Variants in SNX29 observed in about 807,000 individuals in gnomAD.
SNX29 encodes sorting nexin 29, also known as sorting nexin-29.
In SNX29, 78 loss-of-function variants were observed where a neutral mutation model predicts 102.1. That is an observed-to-expected ratio of 0.76 (90% confidence interval 0.64 to 0.92). SNX29 has a LOEUF of 0.92. Among genes scored for constraint, SNX29 ranks in the 40% least tolerant of loss-of-function variants. The pLI, the probability that SNX29 is intolerant of heterozygous loss-of-function variation, is 0.00. For missense variants in SNX29, 1,280 were observed against 1,061.7 expected (o/e 1.21, Z -2.86); for synonymous variants, 580 against 414.5 (o/e 1.40, Z -4.85).
At chr16:12,332,693 C>T (rs561452321) in intron 15 of SNX29, among the ~76,000 whole-genome samples, 1 of 152,168 alleles carries the variant, frequency 6.6e-6, no homozygotes, top group African/African-American at 2.4e-5. Context: ...TGGCCGCCAC[C>T]AGGGTTGGGC....
chr16:12,371,339 C>G (rs979881257), intron 16 of SNX29, among the ~76,000 whole-genome samples: 10 of 152,008 alleles, frequency 6.6e-5, no homozygotes, highest in African/African-American at 2.4e-4. Flanking sequence ...TTCTCTGTCC[C>G]TCAGGCTGGA....
intron 20 of SNX29, chr16:12,546,778 A>C (rs776910556): frequency 2.7e-5 from 1 of 37,280 alleles, no homozygotes; most frequent in Non-Finnish European, 4.3e-5. Flanking sequence ...TCCATGCAAC[A>C]AAGGAAATTT....
chr16:12,513,394 C>T (rs1022680578), intron 19 of SNX29, among the ~76,000 whole-genome samples: 2 of 151,762 alleles, frequency 1.3e-5, no homozygotes, highest in African/African-American at 4.8e-5. Context: ...CTCTCCCTTC[C>T]CCTCCCCTCT....
At chr16:12,359,172 T>C (rs961641750) in intron 16 of SNX29, among the ~76,000 whole-genome samples, 1 of 152,186 alleles carries the variant, frequency 6.6e-6, no homozygotes, top group Non-Finnish European at 1.5e-5. Flanking sequence ...TCCAGGTAGA[T>C]GTGTCAGAAT....
chr16:12,003,127 C>T lies in SNX29; in HGVS notation c.122+84C>T, dbSNP rs574624594. The T allele has an allele frequency of 1.9e-5, 29 of 1,564,082 alleles. No individual in the cohort carries two copies. The East Asian group carries it at 5.4e-4, about 29-fold the overall frequency. ...GCCGGCTTCTAAAACCGTTGACCATCGAGGTTGGAAAGGCGGCAGAAGGCG... is the reference window on the plus strand; with the variant it reads ...GCCGGCTTCTAAAACCGTTGACCATTGAGGTTGGAAAGGCGGCAGAAGGCG... On this transcript the variant is annotated intron_variant, in intron 3 of 20. Transcript: ENST00000566228.
intron 14 of SNX29, among the ~76,000 whole-genome samples, chr16:12,227,607 G>A (rs1311106247): frequency 1.6e-4 from 24 of 152,036 alleles, no homozygotes; most frequent in Admixed American, 1.6e-3. Context: ...TATTCAAAAT[G>A]AGGTCTCTGA....
chr16:12,088,810 G>A (rs1454294468), intron 11 of SNX29, among the ~76,000 whole-genome samples: 2 of 152,144 alleles, frequency 1.3e-5, no homozygotes, highest in Non-Finnish European at 2.9e-5. Context: ...AATTGGCCAG[G>A]TGCAGTGGCC....
chr16:12,565,128 C>T (rs991553585), intron 20 of SNX29, among the ~76,000 whole-genome samples: 3 of 138,278 alleles, frequency 2.2e-5, no homozygotes, highest in African/African-American at 5.8e-5. Flanking sequence ...CTCTTATCCA[C>T]ATTAGCCCCC....
At chr16:12,556,437 G>A (rs188195611) in intron 20 of SNX29, 2 of 152,256 alleles carry the variant, frequency 1.3e-5, no homozygotes, top group Non-Finnish European at 2.9e-5. Flanking sequence ...ATGCTGTGAA[G>A]AAACTCCAAG....
chr16:12,361,278 T>C (rs2082292790), intron 16 of SNX29, among the ~76,000 whole-genome samples: 1 of 152,118 alleles, frequency 6.6e-6, no homozygotes, highest in Non-Finnish European at 1.5e-5. Context: ...AGGGGCTCAG[T>C]GGGCAGTCAG....
chr16:12,139,980 C>CAAAAA (rs59169166), intron 13 of SNX29, among the ~76,000 whole-genome samples: 1 of 88,548 alleles, frequency 1.1e-5, no homozygotes, highest in African/African-American at 4.1e-5. Flanking sequence ...TACCCTGTCT[C>CAAAAA]AAAAAAAAAA....
chr16:12,383,745 A>C (rs1313212365), intron 16 of SNX29, among the ~76,000 whole-genome samples: 1 of 148,558 alleles, frequency 6.7e-6, no homozygotes, highest in African/African-American at 2.5e-5. Context: ...CTGATGTAAC[A>C]TTAAAAAAAA....
At chr16:12,566,773 C>G (rs925619022) in intron 20 of SNX29, among the ~76,000 whole-genome samples, 2 of 152,186 alleles carry the variant, frequency 1.3e-5, no homozygotes, top group African/African-American at 4.8e-5. Context: ...AGGAGGAAAG[C>G]ACAGCACACG....
chr16:12,035,066 TCA>T (rs540644762), intron 4 of SNX29, among the ~76,000 whole-genome samples: 99 of 152,170 alleles, frequency 6.5e-4, no homozygotes, highest in African/African-American at 2.2e-3. Flanking sequence ...AGTTTTTAGA[TCA>T]CAGTTATCCA....
chr16:12,197,443 C>T (rs1259025467), intron 13 of SNX29, among the ~76,000 whole-genome samples: 3 of 152,078 alleles, frequency 2.0e-5, no homozygotes, highest in South Asian at 2.1e-4. Flanking sequence ...TGGTGGTGGG[C>T]GCCTATAATC....
Position 12,547,516 on chromosome 16 carries a change from TGA to T in SNX29, c.2319-20985_2319-20984del, listed in dbSNP as rs571447671. 3.0e-3 allele frequency among the ~76,000 whole-genome samples: 459 copies of T among 152,146 alleles called. 2 individuals are homozygous for T. The highest frequency in any genetic ancestry group is 0.011 in the African/African-American group (448 of 41,496). ...GAACTTGCTGGTTTCAATGTGGGTG[TGA>T]GAGAAAGAGGAACTGGAAGAACAGA... On this transcript the variant is annotated intron_variant, in intron 20 of 20. Coordinates refer to ENST00000566228, the MANE Select transcript of SNX29 (RefSeq NM_032167.5).
intron 11 of SNX29, among the ~76,000 whole-genome samples, chr16:12,122,340 T>A (rs978342089): frequency 5.3e-5 from 8 of 152,090 alleles, no homozygotes; most frequent in Admixed American, 2.0e-4. Flanking sequence ...GTACCCTTGG[T>A]CTCACTGATT....
At chr16:12,055,085 A>G (rs1229855654) in intron 8 of SNX29, among the ~76,000 whole-genome samples, 1 of 152,068 alleles carries the variant, frequency 6.6e-6, no homozygotes, top group Non-Finnish European at 1.5e-5. Flanking sequence ...TTCTAGAGAA[A>G]CAGAACCAGT....
At chr16:12,059,644 G>A (rs1031998752) in intron 8 of SNX29, among the ~76,000 whole-genome samples, 1 of 152,208 alleles carries the variant, frequency 6.6e-6, no homozygotes, top group Admixed American at 6.5e-5. Flanking sequence ...ATCCCTGCCT[G>A]CGGACCAAAC....
Sources: allele counts gnomAD v4.1 joint callset (sites outside exome capture counted in the v4.1 genomes callset), GRCh38; gene constraint gnomAD v4.1.1; transcripts MANE v1.5; gene names NCBI Gene and HGNC (gene_info 2026-07-23, HGNC 2026-07-21).